The following XPO1 variants were observed in gnomAD, a reference collection of about 807,000 sequenced individuals.
XPO1 encodes the protein exportin-1.
Under a neutral mutation model 133.3 loss-of-function variants are expected in XPO1, and 5 were observed. The ratio of observed to expected loss-of-function variants is 0.04; its 90% CI spans 0.02 to 0.08. XPO1 has a LOEUF of 0.08. Among genes scored for constraint, XPO1 ranks in the 10% least tolerant of loss-of-function variants. The pLI is 1.00. For synonymous variants in XPO1, 419 were observed against 408.2 expected, an observed-to-expected ratio of 1.03 and a Z score of -0.32; for missense variants, 506 against 1,267.5, an observed-to-expected ratio of 0.40 and a Z score of 9.12.
chr2:61,504,078 A>G (rs1369989059), intron 4 of XPO1, among the ~76,000 whole-genome samples: 1 of 152,202 alleles, frequency 6.6e-6, no homozygotes, highest in Non-Finnish European at 1.5e-5. Flanking sequence ...ATTATTTTCC[A>G]CTATACATTA....
chr2:61,520,509 G>A (rs1490771600), intron 4 of XPO1, among the ~76,000 whole-genome samples: 1 of 151,864 alleles, frequency 6.6e-6, no homozygotes, highest in Non-Finnish European at 1.5e-5. Flanking sequence ...AAATTTAGTA[G>A]GGCATGGTGG....
intron 4 of XPO1, among the ~76,000 whole-genome samples, chr2:61,512,111 G>A (rs887597445): frequency 5.9e-5 from 9 of 152,044 alleles, no homozygotes; most frequent in Non-Finnish European, 1.3e-4. Flanking sequence ...TTTAAATACT[G>A]ACAAAAAACG....
intron 4 of XPO1, among the ~76,000 whole-genome samples, chr2:61,518,366 C>A (rs762226637): frequency 6.6e-6 from 1 of 150,946 alleles, no homozygotes; most frequent in Non-Finnish European, 1.5e-5. Context: ...TCCTGGCTAA[C>A]ACGGTGAAAC....
At chr2:61,537,382 G>A (rs1459461489) in intron 1 of XPO1, among the ~76,000 whole-genome samples, 180 bp downstream of exon 1, 3 of 150,262 alleles carry the variant, frequency 2.0e-5, no homozygotes, top group Non-Finnish European at 3.0e-5. Context: ...ATCCCCCAGC[G>A]GCAAAAGCGG....
chr2:61,484,198 T>C (rs1270768088), intron 20 of XPO1, 93 bp from the exon 21 acceptor site: 1 of 1,177,758 alleles, frequency 8.5e-7, no homozygotes, highest in African/African-American at 1.6e-5. Context: ...GTATAAATAT[T>C]TGGAGTTTTC....
In XPO1 at chr2:61,495,493, T is replaced by C. The variant is rs375987811; in HGVS notation, c.1009A>G (p.Ile337Val). The C allele has an allele frequency of 3.8e-6, 6 of 1,570,674 alleles. No homozygotes were observed. The highest frequency in any genetic ancestry group is 1.8e-5 in the Admixed American group (1 of 56,906). ...CTFLKEHDQL[I>V]EKRLNLRETL... ...TCCCTGAGATTTAATCTTTTTTCTA[T>C]AAGTTGATCATGTTCCTTAAGAAAG... Residue 337 changes from isoleucine (I) to valine (V), a missense_variant, in exon 11 of 25, where the codon ATA becomes GTA. This residue lies in a region of XPO1 where 134 missense variants were observed against 261.6 expected (regional missense o/e 0.51). Transcript: ENST00000401558.
chr2:61,501,915 T>G, intron 6 of XPO1, 81 bp downstream of exon 6: 1 of 1,228,316 alleles, frequency 8.1e-7, no homozygotes, highest in Non-Finnish European at 1.1e-6. Flanking sequence ...ATTAGTATAC[T>G]TTATTTCCTA....
intron 24 of XPO1, among the ~76,000 whole-genome samples, 188 bp from the exon 25 acceptor site, chr2:61,479,154 G>T (rs1217604763): frequency 1.3e-5 from 2 of 151,924 alleles, no homozygotes; most frequent in Non-Finnish European, 2.9e-5. Flanking sequence ...CCTGTTAACT[G>T]GTGGGGGGGA....
Position 61,533,752 on chromosome 2 carries a change from GT to G in XPO1, c.126+19del. Reference sequence around the variant, plus strand: ...TGTTACACTGTCATAATGTTATAAAGTTTTGGTTGGCTACTTTACCTGGGCT... The same window carrying G: ...TGTTACACTGTCATAATGTTATAAAGTTTGGTTGGCTACTTTACCTGGGCT... On this transcript the variant is annotated intron_variant, in intron 2 of 24. Coordinates refer to ENST00000401558, the MANE Select transcript of XPO1 (RefSeq NM_003400.4). 1 of 1,571,068 alleles carries G rather than the reference GT, an allele frequency of 6.4e-7. No homozygotes were observed. Among genetic ancestry groups the G allele is most frequent in the Non-Finnish European group, 8.6e-7 (1 of 1,161,638 alleles).
chr2:61,484,456 C>T (rs1696570944), intron 20 of XPO1: 1 of 189,306 alleles, frequency 5.3e-6, no homozygotes, highest in African/African-American at 2.4e-5. Context: ...TAAATGTGTC[C>T]ACTTAACGTA....
intron 20 of XPO1, 62 bp from the exon 21 acceptor site, chr2:61,484,167 G>GTTT: frequency 5.0e-6 from 7 of 1,400,000 alleles, no homozygotes; most frequent in Non-Finnish European, 7.0e-6. Flanking sequence ...AGACAGGAGG[G>GTTT]GAAAAGCAAG....
chr2:61,519,723 A>AAAAC (rs1298046130), intron 4 of XPO1, among the ~76,000 whole-genome samples: 118 of 144,344 alleles, frequency 8.2e-4, no homozygotes, highest in African/African-American at 2.5e-3. Flanking sequence ...AAAAAAAAAA[A>AAAAC]CACCACGTAA....
intron 2 of XPO1, among the ~76,000 whole-genome samples, chr2:61,528,308 A>G (rs772408178): frequency 2.6e-5 from 4 of 152,052 alleles, no homozygotes; most frequent in African/African-American, 4.8e-5. Context: ...ATAGGGTTGT[A>G]CGGCTACCAA....
At chr2:61,500,927 T>G (rs1697482934) in intron 6 of XPO1, among the ~76,000 whole-genome samples, 2 of 152,198 alleles carry the variant, frequency 1.3e-5, no homozygotes, top group Non-Finnish European at 1.5e-5. Context: ...AGGGTTTGGA[T>G]ATATGAATTT....
At chr2:61,501,283 G>A (rs1000249670) in intron 6 of XPO1, among the ~76,000 whole-genome samples, 4 of 151,866 alleles carry the variant, frequency 2.6e-5, no homozygotes, top group Admixed American at 2.6e-4. Flanking sequence ...TATTACTATA[G>A]AAAACAGATA....
At position 61,524,214 on chromosome 2, in the gene XPO1, A is replaced by C. The variant is rs574512706; in HGVS notation, c.229-1531T>G. 2.0e-5 allele frequency among the ~76,000 whole-genome samples: 3 copies of C among 152,352 alleles called. No homozygotes were observed. In the South Asian group the frequency reaches 6.2e-4, roughly 32 times the overall value. ...GCTTACAATATATCCTCTTGCCAAAAATCAATTAAAAAGCCTTTAAAACAC... is the reference window on the plus strand; with the variant it reads ...GCTTACAATATATCCTCTTGCCAAACATCAATTAAAAAGCCTTTAAAACAC... On this transcript the variant is annotated intron_variant, in intron 3 of 24. Transcript: ENST00000401558.
chr2:61,524,194 C>T (rs1436617007), intron 3 of XPO1, among the ~76,000 whole-genome samples: 1 of 152,110 alleles, frequency 6.6e-6, no homozygotes, highest in Non-Finnish European at 1.5e-5. Context: ...GCACTGCTTA[C>T]AATATATCCT....
chr2:61,504,490 C>A (rs1018026998), intron 4 of XPO1, among the ~76,000 whole-genome samples: 1 of 152,162 alleles, frequency 6.6e-6, no homozygotes, highest in East Asian at 1.9e-4. Context: ...ACTCTCACAT[C>A]TGTTCACTTT....
Position 61,478,329 on chromosome 2 carries a change from C to A in XPO1, c.*491G>T. ...GACTTTGTAATACATGTAGTCTAGA[C>A]AAACGATTCAGTCCAAGAGGTGCTA... On this transcript the variant is annotated 3_prime_UTR_variant, in exon 25 of 25. Coordinates refer to ENST00000401558, the MANE Select transcript of XPO1 (RefSeq NM_003400.4). 4.3e-6 allele frequency: 1 copy of A among 235,086 alleles called. No individual in the cohort carries two copies. The highest frequency in any genetic ancestry group is 8.4e-6 in the Non-Finnish European group (1 of 119,028). The allele number at this position is 235,086 out of a possible 1,614,324, so 14.6% of individuals were successfully genotyped here. A position where few individuals can be genotyped will look rare whatever the true frequency, so the allele number is the denominator to read the frequency against.
Sources: gnomAD v4.1 joint callset for allele counts (sites outside exome capture counted in the v4.1 genomes callset) on GRCh38, gnomAD v4.1.1 for gene constraint, gnomAD v4.1.1 regional missense constraint, MANE v1.5 for transcripts, NCBI Gene and HGNC (gene_info 2026-07-23, HGNC 2026-07-21) for gene names.